Variants in RELN observed in about 807,000 individuals in gnomAD.
RELN encodes reelin.
Under a neutral mutation model 427.6 loss-of-function variants are expected in RELN, and 108 were observed. The observed-to-expected ratio is 0.25, with a 90% CI of 0.22 to 0.30. The LOEUF is 0.30. Ranked by LOEUF, RELN falls within the 10% of genes least tolerant of loss-of-function variation. RELN has a pLI of 1.00. For synonymous variants in RELN, 1,524 were observed against 1,513.4 expected (o/e 1.01, Z -0.16); for missense variants, 3,715 against 4,302.8 (o/e 0.86, Z 3.82).
chr7:103,984,841 T>G (rs1255224348), intron 1 of RELN, among the ~76,000 whole-genome samples: 1 of 152,206 alleles, frequency 6.6e-6, no homozygotes, highest in Non-Finnish European at 1.5e-5. Flanking sequence ...ACTTTAGTAA[T>G]GGCAAATTAC....
intron 2 of RELN, among the ~76,000 whole-genome samples, chr7:103,853,126 T>C (rs2116469381): frequency 6.6e-6 from 1 of 152,122 alleles, no homozygotes; most frequent in South Asian, 2.1e-4. Flanking sequence ...TTCCCTCATA[T>C]TTAAAATAGA....
intron 1 of RELN, among the ~76,000 whole-genome samples, chr7:103,952,418 T>G (rs1002905691): frequency 1.6e-4 from 24 of 152,214 alleles, no homozygotes; most frequent in African/African-American, 5.6e-4. Context: ...TATGCTATAT[T>G]TTAGGTATTT....
intron 14 of RELN, among the ~76,000 whole-genome samples, chr7:103,652,146 G>A (rs925745439): frequency 1.3e-5 from 2 of 151,994 alleles, no homozygotes; most frequent in African/African-American, 4.8e-5. Context: ...AGCAACACTT[G>A]GGCAAGTGAA....
At chr7:103,552,883 C>CACT (rs1562887132) in intron 40 of RELN, among the ~76,000 whole-genome samples, 1 of 151,998 alleles carries the variant, frequency 6.6e-6, no homozygotes, top group Non-Finnish European at 1.5e-5. Flanking sequence ...TATTCTAAAA[C>CACT]GCTGGTATAA....
intron 2 of RELN, among the ~76,000 whole-genome samples, chr7:103,903,820 G>A (rs952230544): frequency 6.6e-6 from 1 of 151,120 alleles, no homozygotes; most frequent in African/African-American, 2.4e-5. Flanking sequence ...ATCTACAATG[G>A]TTTCTGAGTA....
In RELN at chr7:103,545,471, T is replaced by G. The variant is rs1584281594; in HGVS notation, c.6303-127A>C. On this transcript the variant is annotated intron_variant, in intron 41 of 64. Transcript: ENST00000428762. ...TCAACACCCAAGAAATAGAAAACAT[T>G]TGCCATTTCAGGAACAAAACTCCAT... is the stretch of plus-strand genomic sequence containing the variant. The G allele has an allele frequency of 9.7e-6, 7 of 723,138 alleles. No individual in the cohort carries two copies. In the East Asian group the frequency reaches 1.9e-4, roughly 19 times the overall value. The allele number at this position is 723,138 out of a possible 1,614,324, so 44.8% of individuals were successfully genotyped here.
intron 42 of RELN, 123 bp from the exon 43 acceptor site, chr7:103,543,001 G>C: frequency 9.5e-7 from 1 of 1,053,018 alleles, no homozygotes; most frequent in Non-Finnish European, 1.4e-6. Flanking sequence ...AAATATTAAA[G>C]TCATGTTTTA....
chr7:103,635,683 A>C, intron 18 of RELN, 97 bp from the exon 19 acceptor site: 1 of 988,396 alleles, frequency 1.0e-6, no homozygotes, highest in Non-Finnish European at 1.6e-6. Context: ...GTTTCTACTC[A>C]CCCCTCTTTT....
intron 11 of RELN, among the ~76,000 whole-genome samples, chr7:103,677,038 TA>T (rs1042806735): frequency 1.3e-5 from 2 of 149,840 alleles, no homozygotes; most frequent in Middle Eastern, 3.7e-3. Flanking sequence ...TAAAGCATAA[TA>T]AAAAAAATGT....
chr7:103,917,348 A>T (rs1584364891), intron 1 of RELN, among the ~76,000 whole-genome samples, 163 bp from the exon 2 acceptor site: 2 of 152,282 alleles, frequency 1.3e-5, no homozygotes, highest in East Asian at 3.9e-4. Flanking sequence ...GAGGAGAATA[A>T]AGAAGCTCGG....
At chr7:103,649,052 AACT>A (rs753842744) in intron 16 of RELN, among the ~76,000 whole-genome samples, 8 of 152,040 alleles carry the variant, frequency 5.3e-5, no homozygotes, top group Non-Finnish European at 1.0e-4. Flanking sequence ...TGAAAACTAG[AACT>A]ACCATTTGAT....
At chr7:103,477,262 A>G in intron 64 of RELN, among the ~76,000 whole-genome samples, 1 of 152,228 alleles carries the variant, frequency 6.6e-6, no homozygotes, top group East Asian at 1.9e-4. Flanking sequence ...TACTCTTTAA[A>G]GGAGACACAA....
rs188344552 is a variant in RELN, at chr7:103,918,559, G to A, written c.227-1374C>T. Among the ~76,000 whole-genome samples, 214 of 152,194 alleles carry A rather than the reference G, an allele frequency of 1.4e-3. 1 individual carries two copies. Among genetic ancestry groups the A allele is most frequent in the Admixed American group, 3.0e-3 (46 of 15,256 alleles). On this transcript the variant is annotated intron_variant, in intron 1 of 64. Transcript: ENST00000428762. ...AGTAACCATGGCCAAACTCCATCAA[G>A]GCAGGCATCTCAAGTATTTCGTTCA...
At position 103,989,329 on chromosome 7, in the gene RELN, T is replaced by A. The variant is rs1584425962; in HGVS notation, c.28A>T (p.Thr10Ser). MERSGWARQTFLLALLLGAT... is the reference protein window; with the variant it reads MERSGWARQSFLLALLLGAT... ...CCCAGCAACAGCGCTAGGAGGAAAG[T>A]CTGCCGGGCCCAGCCACTGCGCTCC... Residue 10 changes from threonine to serine, a missense_variant, in exon 1 of 65, where the codon ACT (threonine) becomes TCT (serine). Physicochemically the swap from Thr to Ser is moderately conservative, Grantham distance 58. Coordinates refer to ENST00000428762, the MANE Select transcript of RELN (RefSeq NM_005045.4). The surrounding 1 kb of genome is among the most constrained non-coding windows in gnomAD (Gnocchi z 4.9). The A allele has an allele frequency of 1.3e-6, 2 of 1,579,984 alleles. No homozygotes were observed. The highest frequency in any genetic ancestry group is 1.7e-6 in the Non-Finnish European group (2 of 1,159,612).
At chr7:103,641,353 C>T (rs1832690020) in intron 16 of RELN, among the ~76,000 whole-genome samples, 1 of 152,178 alleles carries the variant, frequency 6.6e-6, no homozygotes, top group African/African-American at 2.4e-5. Context: ...AAAGTATTTA[C>T]ATAATTTTAT....
At chr7:103,526,793 A>G (rs1829831559) in intron 46 of RELN, among the ~76,000 whole-genome samples, 1 of 151,920 alleles carries the variant, frequency 6.6e-6, no homozygotes, top group Non-Finnish European at 1.5e-5. Context: ...AAAATTAATT[A>G]GTTCTTGTTT....
At chr7:103,631,944 A>C (rs1413670270) in intron 19 of RELN, among the ~76,000 whole-genome samples, 1 of 152,174 alleles carries the variant, frequency 6.6e-6, no homozygotes, top group Non-Finnish European at 1.5e-5. Flanking sequence ...ATTCTCTCTC[A>C]TGAAAATAAA....
chr7:103,502,451 A>G (rs1054130909), intron 52 of RELN, among the ~76,000 whole-genome samples: 3 of 152,228 alleles, frequency 2.0e-5, no homozygotes, highest in Non-Finnish European at 4.4e-5. Context: ...GAATTGCCTT[A>G]AATTAATATA....
In RELN at chr7:103,909,681, TTTA is replaced by T. The variant is rs1201910343; in HGVS notation, c.337+7391_337+7393del. 1.7e-3 allele frequency among the ~76,000 whole-genome samples: 112 copies of T among 67,536 alleles called. 4 individuals are homozygous for T. The highest frequency in any genetic ancestry group is 8.6e-3 in the African/African-American group (99 of 11,552). The allele number at this position is 67,536 out of a possible 152,430, so 44.3% of individuals were successfully genotyped here. A position where few individuals can be genotyped will look rare whatever the true frequency, so the allele number is the denominator to read the frequency against. On this transcript the variant is annotated intron_variant, in intron 2 of 64. Transcript: ENST00000428762. ...TATATATAAATATATATTAAATATA[TTTA>T]ATAAATATATATATTTAATATATAT...
Sources: allele counts gnomAD v4.1 joint callset (sites outside exome capture counted in the v4.1 genomes callset), GRCh38; gene constraint gnomAD v4.1.1; non-coding constraint Gnocchi (gnomAD v3.1); transcripts MANE v1.5; gene names NCBI Gene and HGNC (gene_info 2026-07-23, HGNC 2026-07-21).